Variants in SEPTIN10 observed in about 807,000 individuals in gnomAD.
SEPTIN10 encodes the protein septin-10.
SEPTIN10 carries 66 observed loss-of-function variants against 54.8 expected under a neutral mutation model. The observed-to-expected ratio is 1.21, with a 90% CI of 0.99 to 1.48. SEPTIN10 has a LOEUF of 1.48. Among genes scored for constraint, SEPTIN10 ranks in the 40% most tolerant of loss-of-function variants. SEPTIN10 has a pLI of 0.00. For missense variants in SEPTIN10, 620 were observed against 545.6 expected, an observed-to-expected ratio of 1.14 and a Z score of -1.36; for synonymous variants, 161 against 181.0, an observed-to-expected ratio of 0.89 and a Z score of 0.89.
In SEPTIN10 at chr2:109,585,752, C is replaced by T; in HGVS notation, c.186G>A (p.Gln62=). Residue 62 remains glutamine (Q), a synonymous_variant, in exon 3 of 11, where the codon CAG becomes CAA. Transcript: ENST00000397712. The part of the protein sequence containing the change: ...LPDQLVNRSI[Q]QGFCFNILCV... Reference sequence around the variant, plus strand: ...AGAGAATATTAAAGCAGAAACCTTGCTGAATGGATCTGTTCACCAGCTGAT... The same window carrying T: ...AGAGAATATTAAAGCAGAAACCTTGTTGAATGGATCTGTTCACCAGCTGAT... 1.9e-6 allele frequency: 3 copies of T among 1,613,548 alleles called. No homozygotes were observed. Among genetic ancestry groups the T allele is most frequent in the Non-Finnish European group, 2.5e-6 (3 of 1,179,836 alleles).
intron 5 of SEPTIN10, among the ~76,000 whole-genome samples, chr2:109,573,975 G>GT (rs1471689853): frequency 6.6e-6 from 1 of 152,104 alleles, no homozygotes; most frequent in South Asian, 2.1e-4. Flanking sequence ...AGTAAAATTA[G>GT]TATCAACTAA....
chr2:109,559,577 G>A (rs938220025), intron 8 of SEPTIN10, among the ~76,000 whole-genome samples: 16 of 152,318 alleles, frequency 1.1e-4, no homozygotes, highest in African/African-American at 3.6e-4. Flanking sequence ...TATGATTTCT[G>A]ACTACCTATC....
At chr2:109,595,241 G>A (rs1346332230) in intron 1 of SEPTIN10, among the ~76,000 whole-genome samples, 1 of 152,192 alleles carries the variant, frequency 6.6e-6, no homozygotes, top group Admixed American at 6.5e-5. Flanking sequence ...TTGTCAGTTG[G>A]AAGATGCTCC....
chr2:109,568,012 GA>G (rs1197010456), intron 5 of SEPTIN10, 36 bp from the exon 6 acceptor site: 1 of 1,490,314 alleles, frequency 6.7e-7, no homozygotes, highest in African/African-American at 1.4e-5. Flanking sequence ...TCTTACTGAG[GA>G]TTTTTTTTTT....
rs1426538614 is a variant in SEPTIN10, at chr2:109,613,812, C to T, written c.16G>A (p.Val6Met). The change falls in exon 1 of 11, where the codon GTG becomes ATG. Residue 6 changes from valine to methionine, a missense_variant. By Grantham distance (21) the Val-to-Met change is conservative. Coordinates refer to ENST00000397712, the MANE Select transcript of SEPTIN10 (RefSeq NM_144710.5). ...GCGGGACTCACCAGGTGCCGCGCCA[C>T]CTCGGAGGAGGCCATGGTCGCGGGC... is the stretch of plus-strand genomic sequence containing the variant. MASSE[V>M]ARHLLFQSHM... 8.9e-6 allele frequency: 11 copies of T among 1,234,852 alleles called. No homozygotes were observed. The highest frequency in any genetic ancestry group is 1.1e-5 in the Non-Finnish European group (11 of 990,200). The allele number at this position is 1,234,852 out of a possible 1,614,324, so 76.5% of individuals were successfully genotyped here.
At position 109,543,842 on chromosome 2, in the gene SEPTIN10, T is replaced by C. The variant is rs1680500859; in HGVS notation, c.*467A>G. On this transcript the variant is annotated 3_prime_UTR_variant, in exon 11 of 11. Coordinates refer to ENST00000397712, the MANE Select transcript of SEPTIN10 (RefSeq NM_144710.5). ...TATCCAAAATGCTAGGGACCAGAAG[T>C]GTTTTGGATTTCAGGTTTGGAATAT... 7.4e-6 allele frequency: 2 copies of C among 270,664 alleles called. No individual in the cohort carries two copies. The highest frequency in any genetic ancestry group is 6.9e-6 in the Non-Finnish European group (1 of 144,684). The allele number at this position is 270,664 out of a possible 1,614,324, so 16.8% of individuals were successfully genotyped here.
intron 5 of SEPTIN10, among the ~76,000 whole-genome samples, chr2:109,570,580 A>C (rs561146548): frequency 2.0e-5 from 3 of 151,310 alleles, no homozygotes; most frequent in Non-Finnish European, 4.4e-5. Context: ...GCTGGAGTGC[A>C]GTGGCGTGAT....
intron 4 of SEPTIN10, among the ~76,000 whole-genome samples, chr2:109,577,607 A>T (rs531858697): frequency 9.9e-5 from 15 of 151,340 alleles, no homozygotes; most frequent in East Asian, 2.0e-4. Flanking sequence ...TTAAAAAAAA[A>T]AAAAAGAAAA....
chr2:109,595,928 C>G (rs565730490), intron 1 of SEPTIN10, among the ~76,000 whole-genome samples: 3 of 152,334 alleles, frequency 2.0e-5, no homozygotes, highest in Admixed American at 2.0e-4. Flanking sequence ...TAACATACTA[C>G]CTGCTTGCCT....
chr2:109,596,175 G>GCATGCA (rs1251834798), intron 1 of SEPTIN10, among the ~76,000 whole-genome samples: 1 of 152,054 alleles, frequency 6.6e-6, no homozygotes, highest in East Asian at 1.9e-4. Flanking sequence ...GGGCCTACAG[G>GCATGCA]CATGCACCAC....
chr2:109,553,452 G>T (rs1021889530), intron 8 of SEPTIN10, among the ~76,000 whole-genome samples: 1 of 151,798 alleles, frequency 6.6e-6, no homozygotes, highest in East Asian at 1.9e-4. Context: ...GCTGAGGTGG[G>T]AGAATCACCT....
At chr2:109,581,243 C>G (rs1573644902) in intron 4 of SEPTIN10, among the ~76,000 whole-genome samples, 1 of 151,916 alleles carries the variant, frequency 6.6e-6, no homozygotes, top group Non-Finnish European at 1.5e-5. Context: ...AGTTCAACAC[C>G]AGCCTGACCA....
intron 1 of SEPTIN10, among the ~76,000 whole-genome samples, chr2:109,596,385 A>G (rs1382190428): frequency 6.6e-6 from 1 of 152,084 alleles, no homozygotes; most frequent in Non-Finnish European, 1.5e-5. Context: ...TGGGAGGCCG[A>G]GGTGGGTGGA....
At chr2:109,573,812 TC>T (rs1433860463) in intron 5 of SEPTIN10, among the ~76,000 whole-genome samples, 1 of 152,214 alleles carries the variant, frequency 6.6e-6, no homozygotes, top group Non-Finnish European at 1.5e-5. Context: ...TTTCTATAGC[TC>T]CCTAAATTTA....
intron 1 of SEPTIN10, among the ~76,000 whole-genome samples, chr2:109,597,880 T>A (rs1490500863): frequency 5.9e-5 from 9 of 152,088 alleles, no homozygotes; most frequent in Admixed American, 1.3e-4. Flanking sequence ...CCTTGGGAAA[T>A]ATGGCCTTTT....
intron 8 of SEPTIN10, among the ~76,000 whole-genome samples, chr2:109,561,645 G>A (rs2025378799): frequency 1.3e-5 from 2 of 152,154 alleles, no homozygotes; most frequent in South Asian, 4.2e-4. Context: ...TTAATAAGCA[G>A]CTTAAATGTA....
rs765603907 is a variant in SEPTIN10, at chr2:109,585,303, T to C, written c.236A>G (p.Lys79Arg). 6.2e-7 allele frequency: 1 copy of C among 1,602,004 alleles called. No homozygotes were observed. The highest frequency in any genetic ancestry group is 1.7e-5 in the Admixed American group (1 of 57,550). ...AAACAATGTGTCAATCAGTGTTGAT[T>C]TTCCAATTCCAGTTTCCCCTGAAAC... ...ILCVGETGIG[K>R]STLIDTLFNT... Residue 79 changes from lysine (K) to arginine (R), a missense_variant, in exon 4 of 11, where the codon AAA becomes AGA. Lys to Arg is a conservative substitution (Grantham distance 26). Transcript: ENST00000397712.
intron 8 of SEPTIN10, among the ~76,000 whole-genome samples, chr2:109,557,709 AAG>A (rs762068077): frequency 2.2e-4 from 33 of 152,358 alleles, no homozygotes; most frequent in Admixed American, 1.0e-3. Flanking sequence ...TCAGATCTGA[AAG>A]AGAATGGTCT....
intron 1 of SEPTIN10, among the ~76,000 whole-genome samples, chr2:109,598,239 T>C (rs1205505814): frequency 6.6e-6 from 1 of 151,912 alleles, no homozygotes; most frequent in East Asian, 2.0e-4. Context: ...GGCTAACTTT[T>C]GTATTTTTAT....
Sources: gnomAD v4.1 joint callset for allele counts (sites outside exome capture counted in the v4.1 genomes callset) on GRCh38, gnomAD v4.1.1 for gene constraint, MANE v1.5 for transcripts, NCBI Gene and HGNC (gene_info 2026-07-23, HGNC 2026-07-21) for gene names.